RAI14: variants seen among roughly 807,000 people sequenced by gnomAD.
RAI14 encodes ankycorbin.
A neutral mutation model predicts 115.4 loss-of-function variants in RAI14; 45 were observed. The observed-to-expected ratio is 0.39, with a 90% CI of 0.31 to 0.50. RAI14 has a LOEUF of 0.50. RAI14 is among the 20% of genes least tolerant of loss of function. The probability of loss-of-function intolerance (pLI) is 0.85; values close to 1 mark genes in which losing one functional copy is unlikely to be tolerated. For synonymous variants in RAI14, 371 were observed against 415.4 expected (o/e 0.89, Z 1.30); for missense variants, 939 against 1,131.2 (o/e 0.83, Z 2.44).
intron 2 of RAI14, chr5:34,688,163 G>A (rs1290802011): frequency 4.9e-5 from 76 of 1,541,872 alleles, no homozygotes; most frequent in Non-Finnish European, 5.9e-5. Flanking sequence ...TCCGACTTCC[G>A]AGAAACCTCC....
intron 1 of RAI14, among the ~76,000 whole-genome samples, chr5:34,664,072 C>T (rs1475322468): frequency 6.6e-6 from 1 of 152,144 alleles, no homozygotes; most frequent in Non-Finnish European, 1.5e-5. Context: ...CTAATCCCTG[C>T]TTCTAAATAA....
At chr5:34,810,818 A>T (rs185211476) in intron 7 of RAI14, among the ~76,000 whole-genome samples, 194 bp from the exon 8 acceptor site, 143 of 152,190 alleles carry the variant, frequency 9.4e-4, no homozygotes, top group South Asian at 3.3e-3. Context: ...GCATTCAGTA[A>T]AATTCCATAA....
At chr5:34,736,217 A>G (rs1744857962) in intron 2 of RAI14, among the ~76,000 whole-genome samples, 1 of 152,216 alleles carries the variant, frequency 6.6e-6, no homozygotes, top group African/African-American at 2.4e-5. Context: ...GCTGGCCAAC[A>G]TGGCGAAGCC....
In RAI14 at chr5:34,812,217, C is replaced by A; in HGVS notation, c.765+9C>A. On this transcript the variant is annotated intron_variant, in intron 10 of 17. Coordinates refer to ENST00000265109, the MANE Select transcript of RAI14 (RefSeq NM_015577.3). ...CAACAAAACCAAAGCAGGTATTTATCTTTGGGGGAGGCTTCTATGTTTCAT... is the reference window on the plus strand; with the variant it reads ...CAACAAAACCAAAGCAGGTATTTATATTTGGGGGAGGCTTCTATGTTTCAT... 1 of 1,579,266 alleles carries A rather than the reference C, an allele frequency of 6.3e-7. No individual in the cohort carries two copies. Among genetic ancestry groups the A allele is most frequent in the Non-Finnish European group, 8.7e-7 (1 of 1,155,156 alleles).
At chr5:34,701,496 A>T (rs1183277916) in intron 2 of RAI14, among the ~76,000 whole-genome samples, 5 of 152,244 alleles carry the variant, frequency 3.3e-5, no homozygotes, top group African/African-American at 1.2e-4. Context: ...CACAATCTTT[A>T]TCTTAACCTG....
intron 2 of RAI14, among the ~76,000 whole-genome samples, chr5:34,734,812 C>G (rs1012923201): frequency 6.6e-6 from 1 of 152,080 alleles, no homozygotes; most frequent in African/African-American, 2.4e-5. Flanking sequence ...AGGCACATAC[C>G]ACCACGCCAA....
chr5:34,802,165 A>G (rs1306355941), intron 4 of RAI14, among the ~76,000 whole-genome samples: 1 of 152,172 alleles, frequency 6.6e-6, no homozygotes, highest in Non-Finnish European at 1.5e-5. Flanking sequence ...TCACATTTGG[A>G]CCTCTAGTGG....
chr5:34,749,898 T>C (rs1746768021), intron 2 of RAI14, among the ~76,000 whole-genome samples: 1 of 152,238 alleles, frequency 6.6e-6, no homozygotes, highest in African/African-American at 2.4e-5. Flanking sequence ...TAATTTCATG[T>C]CTGTGAATGT....
intron 3 of RAI14, among the ~76,000 whole-genome samples, chr5:34,771,528 G>C (rs1051752450): frequency 2.0e-5 from 3 of 152,154 alleles, no homozygotes; most frequent in African/African-American, 7.2e-5. Context: ...GAATAATTGT[G>C]TTTGTTATTA....
rs146076818 is a variant in RAI14, at chr5:34,823,869, T to G, written c.2027T>G (p.Ile676Ser). Reference sequence around the variant, plus strand: ...CTAGAGGATGTCACAGCTGAATATATCCATAAAGCAGAGCATGAGAAACTG... The same window carrying G: ...CTAGAGGATGTCACAGCTGAATATAGCCATAAAGCAGAGCATGAGAAACTG... ...KSLEDVTAEY[I>S]HKAEHEKLMQ... is the part of the protein sequence containing the mutation. Residue 676 changes from isoleucine (I) to serine (S), a missense_variant, in exon 15 of 18, where the codon ATC (isoleucine) becomes AGC (serine). Coordinates refer to ENST00000265109, the MANE Select transcript of RAI14 (RefSeq NM_015577.3). This position sits in a 1 kb window ranked among gnomAD's most constrained non-coding sequence, Gnocchi z 4.5. The G allele has an allele frequency of 1.2e-6, 2 of 1,614,066 alleles. No individual in the cohort carries two copies. Among genetic ancestry groups the G allele is most frequent in the Non-Finnish European group, 1.7e-6 (2 of 1,180,002 alleles).
intron 3 of RAI14, among the ~76,000 whole-genome samples, chr5:34,762,848 C>A (rs1326064430): frequency 6.6e-6 from 1 of 151,810 alleles, no homozygotes; most frequent in Non-Finnish European, 1.5e-5. Flanking sequence ...AACAACCAGA[C>A]TAAATAAAAT....
At chr5:34,665,001 GTGTATATATATATATA>G (rs1742998742) in intron 1 of RAI14, among the ~76,000 whole-genome samples, 1 of 27,504 alleles carries the variant, frequency 3.6e-5, no homozygotes, top group African/African-American at 1.0e-4. Flanking sequence ...ATATATATAT[GTGTATATATATATATA>G]TGTGTATATA....
At chr5:34,673,126 A>G (rs2149858483) in intron 1 of RAI14, among the ~76,000 whole-genome samples, 1 of 152,286 alleles carries the variant, frequency 6.6e-6, no homozygotes, top group South Asian at 2.1e-4. Context: ...CTATTCACTT[A>G]TAGTTAATTG....
intron 2 of RAI14, among the ~76,000 whole-genome samples, chr5:34,715,803 G>A (rs1741912586): frequency 6.6e-6 from 1 of 152,164 alleles, no homozygotes; most frequent in Non-Finnish European, 1.5e-5. Flanking sequence ...TCATTCTCCA[G>A]CCTGGCACAT....
At chr5:34,824,618 C>T in intron 15 of RAI14, 127 bp downstream of exon 15, 1 of 758,190 alleles carries the variant, frequency 1.3e-6, no homozygotes, top group Non-Finnish European at 2.0e-6. Context: ...TGCACATGAA[C>T]TTTATCTGTC....
chr5:34,720,746 G>A (rs927930914), intron 2 of RAI14, among the ~76,000 whole-genome samples: 4 of 151,896 alleles, frequency 2.6e-5, no homozygotes, highest in Non-Finnish European at 4.4e-5. Flanking sequence ...AAGTAATAGC[G>A]CTTTCATGAG....
intron 2 of RAI14, among the ~76,000 whole-genome samples, chr5:34,747,553 A>G (rs1746450253): frequency 6.6e-6 from 1 of 152,204 alleles, no homozygotes; most frequent in Non-Finnish European, 1.5e-5. Context: ...CTCTCTAAAT[A>G]ATGAATATAA....
chr5:34,832,171 G>A lies in RAI14; in HGVS notation c.*1406G>A, dbSNP rs1375921621. ...ACTGAAAGTAGGGCCTGCTCTGACA[G>A]GGCCCATGTCCCACAAGGCTGCTTG... On this transcript the variant is annotated 3_prime_UTR_variant, in exon 18 of 18. Transcript: ENST00000265109. 6.6e-6 allele frequency: 1 copy of A among 152,598 alleles called. No homozygotes were observed. The highest frequency in any genetic ancestry group is 1.5e-5 in the Non-Finnish European group (1 of 68,046). 9.5% of individuals were successfully genotyped at this position (152,598 alleles called of 1,614,324 possible).
At chr5:34,707,735 C>T (rs570490653) in intron 2 of RAI14, among the ~76,000 whole-genome samples, 14 of 152,316 alleles carry the variant, frequency 9.2e-5, no homozygotes, top group African/African-American at 2.9e-4. Context: ...TCTTCTATGA[C>T]ATTTCTTGTA....
Sources: gnomAD v4.1 joint callset for allele counts (sites outside exome capture counted in the v4.1 genomes callset) on GRCh38, gnomAD v4.1.1 for gene constraint, Gnocchi (gnomAD v3.1) non-coding constraint, MANE v1.5 for transcripts, NCBI Gene and HGNC (gene_info 2026-07-23, HGNC 2026-07-21) for gene names.